TAFA1: variants seen among roughly 807,000 people sequenced by gnomAD.
The protein encoded by TAFA1 is chemokine-like protein TAFA-1.
Under a neutral mutation model 18.5 loss-of-function variants are expected in TAFA1, and 4 were observed. The ratio of observed to expected loss-of-function variants is 0.22; its 90% CI spans 0.11 to 0.49. The LOEUF (loss-of-function observed/expected upper bound fraction) is 0.49, where lower values mean the gene tolerates loss of function less well. Ranked by LOEUF, TAFA1 falls within the 20% of genes least tolerant of loss-of-function variation. The pLI, the probability that TAFA1 is intolerant of heterozygous loss-of-function variation, is 0.98. For missense variants in TAFA1, 147 were observed against 169.0 expected (o/e 0.87, Z 0.72); for synonymous variants, 56 against 55.2 (o/e 1.01, Z -0.06).
At chr3:68,540,820 A>G (rs1030065241) in intron 4 of TAFA1, among the ~76,000 whole-genome samples, 12 of 152,238 alleles carry the variant, frequency 7.9e-5, no homozygotes, top group Non-Finnish European at 1.8e-4. Context: ...TGTTAATGCT[A>G]CTTTTTTGAG....
intron 3 of TAFA1, among the ~76,000 whole-genome samples, chr3:68,519,572 A>G (rs772366048): frequency 2.0e-5 from 3 of 152,222 alleles, no homozygotes; most frequent in Non-Finnish European, 2.9e-5. Flanking sequence ...GCTGTAACAA[A>G]GTACTATAGA....
intron 3 of TAFA1, among the ~76,000 whole-genome samples, chr3:68,453,154 G>T (rs774444292): frequency 6.6e-6 from 1 of 152,088 alleles, no homozygotes; most frequent in Non-Finnish European, 1.5e-5. Context: ...CCAGATTTTT[G>T]AATTCTTTTT....
chr3:68,441,292 C>T (rs2071374787), intron 3 of TAFA1, among the ~76,000 whole-genome samples: 1 of 152,094 alleles, frequency 6.6e-6, no homozygotes, highest in Non-Finnish European at 1.5e-5. Flanking sequence ...GCTATATGAC[C>T]CAGCAGATCC....
intron 2 of TAFA1, among the ~76,000 whole-genome samples, chr3:68,192,155 C>T (rs1464827758): frequency 1.3e-5 from 2 of 151,816 alleles, no homozygotes; most frequent in East Asian, 3.9e-4. Context: ...CTACTAGGTA[C>T]CAGATCCAGG....
At chr3:68,345,406 A>G (rs2069149474) in intron 2 of TAFA1, among the ~76,000 whole-genome samples, 2 of 152,196 alleles carry the variant, frequency 1.3e-5, no homozygotes, top group Admixed American at 1.3e-4. Flanking sequence ...CTTCCATAAC[A>G]GAATGCAATT....
intron 2 of TAFA1, among the ~76,000 whole-genome samples, chr3:68,121,545 A>T (rs2065398730): frequency 6.6e-6 from 1 of 152,214 alleles, no homozygotes; most frequent in Admixed American, 6.5e-5. Context: ...TAGTTGAATA[A>T]GAACAGAGTG....
intron 3 of TAFA1, among the ~76,000 whole-genome samples, chr3:68,479,611 A>G (rs2106651870): frequency 6.6e-6 from 1 of 152,282 alleles, no homozygotes; most frequent in Admixed American, 6.5e-5. Flanking sequence ...ATATATTTAT[A>G]TAACATGAGA....
chr3:68,358,526 G>T (rs1279224006), intron 2 of TAFA1, among the ~76,000 whole-genome samples: 1 of 151,902 alleles, frequency 6.6e-6, no homozygotes, highest in Non-Finnish European at 1.5e-5. Context: ...GACACTGTAT[G>T]ATATGGCTTC....
chr3:68,486,628 T>C (rs975116704), intron 3 of TAFA1, among the ~76,000 whole-genome samples: 4 of 152,224 alleles, frequency 2.6e-5, no homozygotes, highest in African/African-American at 9.6e-5. Context: ...AAAGAGATAA[T>C]GCATTGTACT....
intron 2 of TAFA1, among the ~76,000 whole-genome samples, chr3:68,210,120 T>C (rs183801385): frequency 6.6e-6 from 1 of 152,040 alleles, no homozygotes; most frequent in South Asian, 2.1e-4. Context: ...ACTCCTGTTT[T>C]TGAAGGTTTT....
At chr3:68,485,867 C>T (rs2072326311) in intron 3 of TAFA1, among the ~76,000 whole-genome samples, 1 of 152,116 alleles carries the variant, frequency 6.6e-6, no homozygotes, top group Non-Finnish European at 1.5e-5. Context: ...TCTCCAGTCA[C>T]TGCTTTTAAA....
intron 3 of TAFA1, among the ~76,000 whole-genome samples, chr3:68,466,322 T>A (rs994140617): frequency 1.3e-5 from 2 of 152,164 alleles, no homozygotes; most frequent in Non-Finnish European, 2.9e-5. Flanking sequence ...TCCCAGCTAA[T>A]CTACAGTGGG....
chr3:68,403,255 G>T (rs946616100), intron 2 of TAFA1, among the ~76,000 whole-genome samples: 1 of 152,190 alleles, frequency 6.6e-6, no homozygotes, highest in Non-Finnish European at 1.5e-5. Flanking sequence ...TTCATTAGAA[G>T]TTACCTTGTC....
At chr3:68,333,319 G>C (rs1165492017) in intron 2 of TAFA1, among the ~76,000 whole-genome samples, 1 of 152,174 alleles carries the variant, frequency 6.6e-6, no homozygotes. Context: ...CACGTAGTGA[G>C]ATGATATCCT....
intron 2 of TAFA1, among the ~76,000 whole-genome samples, chr3:68,050,158 G>A (rs1672015128): frequency 6.6e-6 from 1 of 152,152 alleles, no homozygotes; most frequent in African/African-American, 2.4e-5. Context: ...CCTTTGGAAG[G>A]TGATGCCAGG....
At chr3:68,506,412 G>A (rs1256893648) in intron 3 of TAFA1, among the ~76,000 whole-genome samples, 2 of 151,898 alleles carry the variant, frequency 1.3e-5, no homozygotes, top group African/African-American at 2.4e-5. Context: ...AAGCAGAGAT[G>A]ACCCAAGGAC....
chr3:68,413,185 G>C (rs1180111502), intron 2 of TAFA1, among the ~76,000 whole-genome samples: 1 of 152,178 alleles, frequency 6.6e-6, no homozygotes, highest in Non-Finnish European at 1.5e-5. Context: ...CTTTTGAGAA[G>C]TGTCTGTTCA....
chr3:68,064,674 C>T (rs2064650797), intron 2 of TAFA1, among the ~76,000 whole-genome samples: 1 of 151,772 alleles, frequency 6.6e-6, no homozygotes, highest in African/African-American at 2.4e-5. Flanking sequence ...ATCACTTGTC[C>T]AAGAAAGCTT....
At chr3:68,129,149 G>C (rs1291707068) in intron 2 of TAFA1, among the ~76,000 whole-genome samples, 1 of 152,178 alleles carries the variant, frequency 6.6e-6, no homozygotes, top group African/African-American at 2.4e-5. Context: ...GTTGTCTTCT[G>C]TCTGGTACAG....
Sources: allele counts gnomAD v4.1 joint callset (sites outside exome capture counted in the v4.1 genomes callset), GRCh38; gene constraint gnomAD v4.1.1; transcripts MANE v1.5; gene names NCBI Gene and HGNC (gene_info 2026-07-23, HGNC 2026-07-21).